Variants in DNAJC25 observed in about 807,000 individuals in gnomAD.
DNAJC25 encodes dnaJ homolog subfamily C member 25.
In DNAJC25, 26 loss-of-function variants were observed where a neutral mutation model predicts 42.1. The observed-to-expected ratio is 0.62, with a 90% CI of 0.45 to 0.86. The LOEUF (loss-of-function observed/expected upper bound fraction) is 0.86. Ranked by LOEUF, DNAJC25 falls within the 40% of genes least tolerant of loss-of-function variation. The pLI, the probability that DNAJC25 is intolerant of heterozygous loss-of-function variation, is 0.00. For synonymous variants in DNAJC25, 189 were observed against 179.9 expected (o/e 1.05, Z -0.40); for missense variants, 404 against 459.4 (o/e 0.88, Z 1.10).
At chr9:111,650,528 C>T (rs1379010991) in intron 3 of DNAJC25, among the ~76,000 whole-genome samples, 4 of 152,234 alleles carry the variant, frequency 2.6e-5, no homozygotes, top group African/African-American at 7.2e-5. Flanking sequence ...CGAGGTGATC[C>T]GCTACCTAGC....
At chr9:111,652,946 CTTAA>C (rs1336574438) in intron 3 of DNAJC25, among the ~76,000 whole-genome samples, 150 bp from the exon 4 acceptor site, 3 of 151,834 alleles carry the variant, frequency 2.0e-5, no homozygotes, top group Non-Finnish European at 4.4e-5. Flanking sequence ...AAATAAAATG[CTTAA>C]TTGTTTAGTA....
In DNAJC25 at chr9:111,649,557, CAAAAAAGCCAAA is replaced by C; in HGVS notation, c.595_606del (p.Lys199_Lys202del). 1 of 1,613,700 alleles carries C rather than the reference CAAAAAAGCCAAA, an allele frequency of 6.2e-7. No homozygotes were observed. Reference sequence around the variant, plus strand: ...AGATTGCCAAGCAGCAGGGACTGCTCAAAAAAGCCAAAGAAAAAGGCAAAAACAAAAAGTCCA... The same window carrying C: ...AGATTGCCAAGCAGCAGGGACTGCTCGAAAAAGGCAAAAACAAAAAGTCCA... On this transcript the variant is annotated inframe_deletion, in exon 3 of 4. Transcript: ENST00000313525.
rs1307424381 is a variant in DNAJC25, at chr9:111,631,572, C to T, written c.165C>T (p.Gly55=). Reference sequence around the variant, plus strand: ...CGCGGGACTGCTACGAGGTGCTGGGCGTGAGCCGCTCGGCGGGCAAGGCGG... The same window carrying T: ...CGCGGGACTGCTACGAGGTGCTGGGTGTGAGCCGCTCGGCGGGCAAGGCGG... ...CGTRDCYEVL[G]VSRSAGKAEI... is the part of the protein sequence containing the mutation. The change falls in exon 1 of 4, where the codon GGC becomes GGT. Residue 55 remains glycine (G), a synonymous_variant. Transcript: ENST00000313525. The T allele has an allele frequency of 1.4e-6, 2 of 1,451,214 alleles. No homozygotes were observed. The highest frequency in any genetic ancestry group is 1.8e-6 in the Non-Finnish European group (2 of 1,110,972). The allele number at this position is 1,451,214 out of a possible 1,614,324, so 89.9% of individuals were successfully genotyped here.
At chr9:111,645,948 TTTTTTGTAA>T (rs1470861597) in intron 1 of DNAJC25, among the ~76,000 whole-genome samples, 8 of 152,280 alleles carry the variant, frequency 5.3e-5, no homozygotes, top group Middle Eastern at 3.4e-3. Context: ...ATTTTTTTTA[TTTTTTGTAA>T]AGACAAGGTC....
Position 111,631,596 on chromosome 9 carries a change from G to A in DNAJC25, c.189G>A (p.Ala63=). The change falls in exon 1 of 4, where the codon GCG becomes GCA. Residue 63 remains alanine, a synonymous_variant. Coordinates refer to ENST00000313525, the MANE Select transcript of DNAJC25 (RefSeq NM_001015882.3). ...GCGTGAGCCGCTCGGCGGGCAAGGC[G>A]GAGATCGCGCGGGCCTACCGCCAGC... ...VLGVSRSAGK[A]EIARAYRQLA... is the part of the protein sequence containing the mutation. The A allele has an allele frequency of 6.8e-7, 1 of 1,479,104 alleles. No homozygotes were observed. The highest frequency in any genetic ancestry group is 1.5e-5 in the African/African-American group (1 of 68,288). 91.6% of individuals were successfully genotyped at this position (1,479,104 alleles called of 1,614,324 possible).
At position 111,647,309 on chromosome 9, in the gene DNAJC25, A is replaced by G. The variant is rs750849001; in HGVS notation, c.489+50A>G. 1.2e-5 allele frequency: 20 copies of G among 1,602,544 alleles called. No homozygotes were observed. In the Admixed American group the frequency reaches 2.7e-4, roughly 22 times the overall value. On this transcript the variant is annotated intron_variant, in intron 2 of 3. Transcript: ENST00000313525. ...CTACATTTATGTGCATTGAGTGCAC[A>G]TTGCCTAGTGCTAGTCATTAAAACC...
chr9:111,631,391 C>T lies in DNAJC25; in HGVS notation c.-17C>T, dbSNP rs1011478268. ...TGCAGAATCGCTGGGGTGGCAGAGC[C>T]GCCAGCGAGGCTGGGGATGGGGGCG... On this transcript the variant is annotated 5_prime_UTR_variant, in exon 1 of 4. Coordinates refer to ENST00000313525, the MANE Select transcript of DNAJC25 (RefSeq NM_001015882.3). The T allele has an allele frequency of 3.1e-6, 4 of 1,273,652 alleles. No homozygotes were observed. The highest frequency in any genetic ancestry group is 2.9e-4 in the Middle Eastern group (1 of 3,396). The allele number at this position is 1,273,652 out of a possible 1,614,324, so 78.9% of individuals were successfully genotyped here.
chr9:111,634,710 C>G (rs1236420852), intron 1 of DNAJC25, among the ~76,000 whole-genome samples: 1 of 143,072 alleles, frequency 7.0e-6, no homozygotes, highest in East Asian at 2.1e-4. Flanking sequence ...AATAAATGCC[C>G]TTTTGAGGGG....
chr9:111,647,940 G>A (rs1189790993), intron 2 of DNAJC25, among the ~76,000 whole-genome samples: 5 of 152,024 alleles, frequency 3.3e-5, no homozygotes, highest in South Asian at 4.1e-4. Context: ...CACCACACCC[G>A]GCTAGTGTTT....
intron 1 of DNAJC25, among the ~76,000 whole-genome samples, chr9:111,634,541 C>G (rs1184192711): frequency 1.3e-5 from 2 of 152,024 alleles, no homozygotes; most frequent in Non-Finnish European, 2.9e-5. Flanking sequence ...AAGAGCAGGT[C>G]AGATAGAATA....
intron 1 of DNAJC25, among the ~76,000 whole-genome samples, chr9:111,636,401 A>T (rs1830363677): frequency 6.6e-6 from 1 of 152,194 alleles, no homozygotes; most frequent in East Asian, 1.9e-4. Context: ...TGCATGTATT[A>T]CTATTCTTTT....
chr9:111,633,717 T>C (rs865851005), intron 1 of DNAJC25, among the ~76,000 whole-genome samples: 3 of 152,108 alleles, frequency 2.0e-5, no homozygotes, highest in Non-Finnish European at 4.4e-5. Context: ...GTAGAAATAG[T>C]GATGGTAGAG....
At position 111,645,904 on chromosome 9, in the gene DNAJC25, A is replaced by G. The variant is rs759388339; in HGVS notation, c.337-1203A>G. ...GGGAACATCCTGGGAAGCTGGGACT[A>G]TAGGCACATGCCACCATGCCCTGTG... On this transcript the variant is annotated intron_variant, in intron 1 of 3. Coordinates refer to ENST00000313525, the MANE Select transcript of DNAJC25 (RefSeq NM_001015882.3). Among the ~76,000 whole-genome samples, 24 of 152,286 alleles carry G rather than the reference A, an allele frequency of 1.6e-4. No homozygotes were observed. In the Middle Eastern group the frequency reaches 0.01, roughly 65 times the overall value.
intron 2 of DNAJC25, among the ~76,000 whole-genome samples, chr9:111,648,352 C>T (rs1293215307): frequency 6.6e-6 from 1 of 151,494 alleles, no homozygotes; most frequent in African/African-American, 2.4e-5. Flanking sequence ...GCCTTGACTT[C>T]TTGGGCTCAG....
At chr9:111,636,670 T>C (rs10759505) in intron 1 of DNAJC25, among the ~76,000 whole-genome samples, 44,120 of 151,940 alleles carry the variant, frequency 0.29, 7,126 homozygotes, top group East Asian at 0.44. Context: ...CCAAATTAAG[T>C]TAATTTATAG....
At chr9:111,650,964 G>C (rs1299290578) in intron 3 of DNAJC25, among the ~76,000 whole-genome samples, 2 of 152,074 alleles carry the variant, frequency 1.3e-5, no homozygotes, top group African/African-American at 4.8e-5. Context: ...AAGTATACCT[G>C]TTCATAAAAG....
At chr9:111,641,646 C>T (rs1297268577) in intron 1 of DNAJC25, among the ~76,000 whole-genome samples, 9 of 137,192 alleles carry the variant, frequency 6.6e-5, no homozygotes, top group South Asian at 4.6e-4. Flanking sequence ...GCCCCCCGCC[C>T]GGCCAGCCGC....
chr9:111,653,921 C>G lies in DNAJC25; in HGVS notation c.*699C>G, dbSNP rs1467385594. ...CTTGTAGGATGATCTTGATTATAGT[C>G]TTATTATAGGACTATAACTGTATTC... On this transcript the variant is annotated 3_prime_UTR_variant, in exon 4 of 4. Coordinates refer to ENST00000313525, the MANE Select transcript of DNAJC25 (RefSeq NM_001015882.3). The G allele has an allele frequency of 6.6e-6, 1 of 152,434 alleles. No homozygotes were observed. The highest frequency in any genetic ancestry group is 2.4e-5 in the African/African-American group (1 of 41,384). The allele number at this position is 152,434 out of a possible 1,614,324, so 9.4% of individuals were successfully genotyped here. A position where few individuals can be genotyped will look rare whatever the true frequency, so the allele number is the denominator to read the frequency against.
At chr9:111,640,208 G>A (rs1830431279) in intron 1 of DNAJC25, among the ~76,000 whole-genome samples, 1 of 151,016 alleles carries the variant, frequency 6.6e-6, no homozygotes, top group Non-Finnish European at 1.5e-5. Context: ...GATTGCAGAT[G>A]GAGTCTCGTT....
Sources: allele counts gnomAD v4.1 joint callset (sites outside exome capture counted in the v4.1 genomes callset), GRCh38; gene constraint gnomAD v4.1.1; transcripts MANE v1.5; gene names NCBI Gene and HGNC (gene_info 2026-07-23, HGNC 2026-07-21).